The following NPHP1 variants were observed in gnomAD, a reference collection of about 807,000 sequenced individuals.
NPHP1 encodes the protein nephrocystin-1.
NPHP1 carries 70 observed loss-of-function variants against 90.4 expected under a neutral mutation model. The ratio of observed to expected loss-of-function variants is 0.77; its 90% confidence interval spans 0.64 to 0.95. The LOEUF is 0.95. NPHP1 is among the 40% of genes least tolerant of loss of function. The pLI is 0.00. For missense variants in NPHP1, 764 were observed against 795.9 expected (o/e 0.96, Z 0.48); for synonymous variants, 256 against 271.7 (o/e 0.94, Z 0.57).
intron 2 of NPHP1, among the ~76,000 whole-genome samples, chr2:110,180,733 G>GAACCCC (rs1683840436): frequency 6.6e-6 from 1 of 152,058 alleles, no homozygotes; most frequent in Admixed American, 6.5e-5. Flanking sequence ...GCAGCCAAAG[G>GAACCCC]AACCCCCATC....
At chr2:110,195,988 T>C (rs1037413110) in intron 2 of NPHP1, among the ~76,000 whole-genome samples, 7 of 152,110 alleles carry the variant, frequency 4.6e-5, no homozygotes, top group African/African-American at 1.4e-4. Context: ...CCTTACACCT[T>C]ATACAAAAAT....
chr2:110,180,293 C>A (rs1023872184), intron 2 of NPHP1, among the ~76,000 whole-genome samples: 2 of 151,924 alleles, frequency 1.3e-5, no homozygotes, highest in Non-Finnish European at 2.9e-5. Flanking sequence ...TTATTTATTC[C>A]ACAGATGCCT....
chr2:110,139,896 AGGAGAGAGGAT>A (rs1680505254), intron 16 of NPHP1, among the ~76,000 whole-genome samples: 2 of 152,042 alleles, frequency 1.3e-5, no homozygotes, highest in East Asian at 3.9e-4. Flanking sequence ...GGGTCAGGGG[AGGAGAGAGGAT>A]GTTGAAATGG....
chr2:110,166,014 T>C (rs1158706762), intron 6 of NPHP1, among the ~76,000 whole-genome samples: 8 of 152,192 alleles, frequency 5.3e-5, no homozygotes, highest in African/African-American at 1.9e-4. Context: ...TTAACCTCAT[T>C]AGGAGTACAG....
chr2:110,148,542 C>A (rs1681238101), intron 12 of NPHP1, among the ~76,000 whole-genome samples: 2 of 152,100 alleles, frequency 1.3e-5, no homozygotes, highest in African/African-American at 4.8e-5. Context: ...TAATAAAAGC[C>A]TTTTAAGAAA....
At position 110,146,793 on chromosome 2, in the gene NPHP1, G is replaced by C. The variant is rs200396055; in HGVS notation, c.1312C>G (p.Leu438Val). The C allele has an allele frequency of 1.2e-6, 2 of 1,613,588 alleles. No individual in the cohort carries two copies. Among genetic ancestry groups the C allele is most frequent in the African/African-American group, 1.3e-5 (1 of 74,892 alleles). Residue 438 changes from leucine (L) to valine (V), a missense_variant, in exon 14 of 20, where the codon CTT becomes GTT. Physicochemically the swap from Leu to Val is conservative, Grantham distance 32 (BLOSUM62 1). Transcript: ENST00000445609. ...ACTCCACTGGCATCAAAAAGTTTAA[G>C]AAACACCCAGCCACAGCTTAACTCT... is the stretch of plus-strand genomic sequence containing the variant. ...RGELSCGWVF[L>V]KLFDASGVPI...
intron 4 of NPHP1, among the ~76,000 whole-genome samples, chr2:110,177,694 C>A (rs1413025670): frequency 6.6e-6 from 1 of 151,928 alleles, no homozygotes; most frequent in African/African-American, 2.4e-5. Flanking sequence ...CTTTCAGAAG[C>A]TATTATTAAC....
intron 16 of NPHP1, among the ~76,000 whole-genome samples, chr2:110,141,967 TGTCTCAAAAA>T (rs1332687225): frequency 7.1e-5 from 9 of 126,212 alleles, no homozygotes; most frequent in Non-Finnish European, 1.5e-4. Flanking sequence ...AGCCAGACTC[TGTCTCAAAAA>T]AAAAAAAAAA....
chr2:110,184,630 G>T (rs527367490), intron 2 of NPHP1: 1 of 893,790 alleles, frequency 1.1e-6, no homozygotes, highest in Non-Finnish European at 1.9e-6. Flanking sequence ...AACATCTCTC[G>T]CTTCCTGCAC....
chr2:110,182,717 A>G (rs1039267893), intron 2 of NPHP1, among the ~76,000 whole-genome samples: 2 of 152,296 alleles, frequency 1.3e-5, no homozygotes, highest in East Asian at 1.9e-4. Context: ...CAGTGACACT[A>G]TGAAGCAACC....
intron 4 of NPHP1, among the ~76,000 whole-genome samples, chr2:110,176,102 C>T (rs1300037066): frequency 6.6e-6 from 1 of 151,970 alleles, no homozygotes; most frequent in Non-Finnish European, 1.5e-5. Flanking sequence ...TCTTATCAAT[C>T]TTTTCCTATA....
chr2:110,150,508 T>A (rs1681385974), intron 11 of NPHP1, among the ~76,000 whole-genome samples: 1 of 152,150 alleles, frequency 6.6e-6, no homozygotes, highest in Non-Finnish European at 1.5e-5. Flanking sequence ...TGAGATAGGT[T>A]TGCCAGAAAA....
Position 110,204,891 on chromosome 2 carries a change from T to C in NPHP1, c.69+9A>G. The C allele has an allele frequency of 6.2e-7, 1 of 1,613,758 alleles. No homozygotes were observed. Among genetic ancestry groups the C allele is most frequent in the Non-Finnish European group, 8.5e-7 (1 of 1,179,818 alleles). Reference sequence around the variant, plus strand: ...CCGCCCCAGGGCCCTCTGCACAGCCTGACCATACCTGTTGCTTCAGCTCCT... The same window carrying C: ...CCGCCCCAGGGCCCTCTGCACAGCCCGACCATACCTGTTGCTTCAGCTCCT... On this transcript the variant is annotated intron_variant, in intron 1 of 19. Transcript: ENST00000445609.
At position 110,182,695 on chromosome 2, in the gene NPHP1, A is replaced by C. The variant is rs558168551; in HGVS notation, c.144-3011T>G. Among the ~76,000 whole-genome samples, 44 of 152,246 alleles carry C rather than the reference A, an allele frequency of 2.9e-4. No individual in the cohort carries two copies. The South Asian group carries it at 8.9e-3, about 31-fold the overall frequency. ...TACCACCCACTATAAAAACACACTG[A>C]AGTACACAGACCAGTGACACTATGA... On this transcript the variant is annotated intron_variant, in intron 2 of 19. Transcript: ENST00000445609.
chr2:110,125,819 C>G (rs897264809), intron 18 of NPHP1, 138 bp from the exon 19 acceptor site: 15 of 747,894 alleles, frequency 2.0e-5, no homozygotes, highest in South Asian at 1.9e-4. Context: ...AGAAGTGAAT[C>G]TGTAATTAGG....
intron 11 of NPHP1, among the ~76,000 whole-genome samples, chr2:110,156,786 T>C (rs1011891825): frequency 1.3e-5 from 2 of 151,148 alleles, no homozygotes; most frequent in Non-Finnish European, 1.5e-5. Context: ...TTCTGTTTTT[T>C]TTTTTTTTTG....
rs932041695 is a variant in NPHP1, at chr2:110,164,343, T to C, written c.771+345A>G. On this transcript the variant is annotated intron_variant, in intron 8 of 19. Transcript: ENST00000445609. ...TGAATCACCATGCCTGGCCAATTTC[T>C]TACTTTTTATTAAAGGCTTTCAGGA... is the stretch of plus-strand genomic sequence containing the variant. The C allele has an allele frequency of 3.3e-5, 20 of 608,656 alleles. No individual in the cohort carries two copies. The African/African-American group carries it at 3.5e-4, about 11-fold the overall frequency. 37.7% of individuals were successfully genotyped at this position (608,656 alleles called of 1,614,324 possible).
Position 110,168,473 on chromosome 2 carries a change from A to G in NPHP1, c.603T>C (p.Leu201=). Residue 201 remains leucine, a synonymous_variant, in exon 6 of 20, where the codon CTT becomes CTC. Coordinates refer to ENST00000445609, the MANE Select transcript of NPHP1 (RefSeq NM_001128178.3). ...TAACCTCTAGGTAGGTTCTGGGAACAAGACCTTCATTTCCTTTGGCATCCT... is the reference window on the plus strand; with the variant it reads ...TAACCTCTAGGTAGGTTCTGGGAACGAGACCTTCATTTCCTTTGGCATCCT... ...IAKDAKGNEG[L]VPRTYLEPYS... 6.2e-7 allele frequency: 1 copy of G among 1,612,760 alleles called. No individual in the cohort carries two copies. The highest frequency in any genetic ancestry group is 2.2e-5 in the East Asian group (1 of 44,858).
chr2:110,194,030 C>T (rs1423923232), intron 2 of NPHP1, among the ~76,000 whole-genome samples: 1 of 151,902 alleles, frequency 6.6e-6, no homozygotes, highest in Non-Finnish European at 1.5e-5. Flanking sequence ...AAATTTATAG[C>T]ACTAAATGCC....
Sources: allele counts gnomAD v4.1 joint callset (sites outside exome capture counted in the v4.1 genomes callset), GRCh38; gene constraint gnomAD v4.1.1; transcripts MANE v1.5; gene names NCBI Gene and HGNC (gene_info 2026-07-23, HGNC 2026-07-21).